The following NTN4 variants were observed in gnomAD, a reference collection of about 807,000 sequenced individuals.
NTN4 encodes the protein netrin-4.
In NTN4, 32 loss-of-function variants were observed where a neutral mutation model predicts 73.6. The observed-to-expected ratio is 0.44, with a 90% CI of 0.33 to 0.58. NTN4 has a LOEUF of 0.58. NTN4 is among the 20% of genes least tolerant of loss of function. NTN4 has a pLI of 0.04. For synonymous variants in NTN4, 258 were observed against 287.5 expected, an observed-to-expected ratio of 0.90 and a Z score of 1.04; for missense variants, 654 against 798.3, an observed-to-expected ratio of 0.82 and a Z score of 2.18.
At chr12:95,736,936 C>G (rs1311438845) in intron 3 of NTN4, among the ~76,000 whole-genome samples, 1 of 152,140 alleles carries the variant, frequency 6.6e-6, no homozygotes, top group East Asian at 1.9e-4. Context: ...GGATGTCTAT[C>G]CTTTAGGAAA....
At chr12:95,673,938 A>G (rs1298950533) in intron 7 of NTN4, 2 of 152,098 alleles carry the variant, frequency 1.3e-5, no homozygotes, top group African/African-American at 2.4e-5. Flanking sequence ...TTTGAGCATC[A>G]CTGTACTAAA....
chr12:95,752,454 C>T (rs2078916273), intron 2 of NTN4, among the ~76,000 whole-genome samples: 1 of 151,540 alleles, frequency 6.6e-6, no homozygotes, highest in South Asian at 2.1e-4. Flanking sequence ...TTCATCCCAG[C>T]CTCTCTTTGC....
rs1422875729 is a variant in NTN4, at chr12:95,738,163, T to C, written c.586-19A>G. On this transcript the variant is annotated intron_variant, in intron 2 of 9. Coordinates refer to ENST00000343702, the MANE Select transcript of NTN4 (RefSeq NM_021229.4). ...AAATAACCTGTAAGGAGAAAGAAAATACCATGCGTTTATAGGACTGTGCGC... is the reference window on the plus strand; with the variant it reads ...AAATAACCTGTAAGGAGAAAGAAAACACCATGCGTTTATAGGACTGTGCGC... The C allele has an allele frequency of 2.5e-6, 4 of 1,599,390 alleles. No homozygotes were observed. Among genetic ancestry groups the C allele is most frequent in the South Asian group, 2.3e-5 (2 of 88,258 alleles).
intron 5 of NTN4, among the ~76,000 whole-genome samples, chr12:95,709,730 G>C (rs2078549281): frequency 6.6e-6 from 1 of 151,888 alleles, no homozygotes; most frequent in African/African-American, 2.4e-5. Context: ...ACAGGGTTTT[G>C]CCATGTTGCC....
intron 9 of NTN4, among the ~76,000 whole-genome samples, chr12:95,660,762 G>C (rs1215221125): frequency 6.6e-6 from 1 of 152,136 alleles, no homozygotes; most frequent in Non-Finnish European, 1.5e-5. Context: ...TTAAGTGAAT[G>C]CTAGATGCTA....
chr12:95,729,394 A>G (rs2078719350), intron 3 of NTN4, among the ~76,000 whole-genome samples: 2 of 152,104 alleles, frequency 1.3e-5, no homozygotes, highest in Non-Finnish European at 2.9e-5. Context: ...TATTACAAAA[A>G]AATCTTTTAT....
rs2078794266 is a variant in NTN4 at position 95,738,100 on chromosome 12, AG to A, written c.629del (p.Pro210LeufsTer10). The A allele has an allele frequency of 6.2e-7, 1 of 1,614,022 alleles. No homozygotes were observed. The highest frequency in any genetic ancestry group is 8.5e-7 in the Non-Finnish European group (1 of 1,179,982). ...GCTGCTCCTGAACTTTGGCACTGTA[AG>A]GGTTCTCTGTATCGTATGGTGGTGA... is the stretch of plus-strand genomic sequence containing the variant. ...ALSPPYDTENPYSAKVQEQLK... is the reference protein window; with the variant it reads ...ALSPPYDTENXYSAKVQEQLK... On this transcript the variant is annotated frameshift_variant, in exon 3 of 10. Transcript: ENST00000343702. LOFTEE classifies it high-confidence loss of function.
At chr12:95,724,430 A>G (rs1383094668) in intron 3 of NTN4, among the ~76,000 whole-genome samples, 2 of 152,204 alleles carry the variant, frequency 1.3e-5, no homozygotes, top group Non-Finnish European at 2.9e-5. Context: ...ACTTGACTAG[A>G]TCCTACAAGT....
chr12:95,718,026 A>G (rs1267921786), intron 3 of NTN4, among the ~76,000 whole-genome samples: 2 of 152,186 alleles, frequency 1.3e-5, no homozygotes, highest in East Asian at 1.9e-4. Context: ...TAGCACATTT[A>G]TCTTACAGGA....
In NTN4 at chr12:95,789,536, C is replaced by A. The variant is rs192936211; in HGVS notation, c.55+719G>T. Among the ~76,000 whole-genome samples the A allele has an allele frequency of 2.0e-5, 3 of 152,256 alleles. No individual in the cohort carries two copies. Among genetic ancestry groups the A allele is most frequent in the Admixed American group, 2.0e-4 (3 of 15,280 alleles). ...GGTGGCCTAGGGCAGCCCAAGAAAGCCAGGATGGGAGTGGGAGGGAGAGGG... is the reference window on the plus strand; with the variant it reads ...GGTGGCCTAGGGCAGCCCAAGAAAGACAGGATGGGAGTGGGAGGGAGAGGG... On this transcript the variant is annotated intron_variant, in intron 1 of 9. Transcript: ENST00000343702. This position sits in a 1 kb window ranked among gnomAD's most constrained non-coding sequence, Gnocchi z 4.0.
At chr12:95,672,435 G>A (rs759941148) in intron 7 of NTN4, 34 of 1,339,636 alleles carry the variant, frequency 2.5e-5, no homozygotes, top group African/African-American at 5.8e-5. Flanking sequence ...GCGGGCAGGC[G>A]CTGCTAGATG....
At chr12:95,734,405 T>A (rs2121164726) in intron 3 of NTN4, among the ~76,000 whole-genome samples, 1 of 152,286 alleles carries the variant, frequency 6.6e-6, no homozygotes, top group South Asian at 2.1e-4. Context: ...TGGGGTAAGG[T>A]TTGAGAATGT....
chr12:95,766,428 C>T (rs981766843), intron 2 of NTN4, among the ~76,000 whole-genome samples: 2 of 152,234 alleles, frequency 1.3e-5, no homozygotes, highest in Admixed American at 1.3e-4. Context: ...ATCATTCAGC[C>T]TTTGCGGAAA....
chr12:95,766,349 T>C (rs11108245), intron 2 of NTN4, among the ~76,000 whole-genome samples: 83,766 of 152,020 alleles, frequency 0.55, 23,302 homozygotes, highest in Middle Eastern at 0.61. Flanking sequence ...TTAAATGGGA[T>C]ATTCAAAGGT....
At chr12:95,713,665 C>T (rs983362618) in intron 3 of NTN4, among the ~76,000 whole-genome samples, 2 of 152,000 alleles carry the variant, frequency 1.3e-5, no homozygotes, top group Admixed American at 6.6e-5. Flanking sequence ...ATTCTTTATG[C>T]AAAAGTAACA....
At chr12:95,742,318 A>C (rs1342015177) in intron 2 of NTN4, among the ~76,000 whole-genome samples, 2 of 151,810 alleles carry the variant, frequency 1.3e-5, no homozygotes, top group Non-Finnish European at 2.9e-5. Flanking sequence ...ACATGGTGAA[A>C]CCCCATCTCT....
intron 2 of NTN4, among the ~76,000 whole-genome samples, chr12:95,778,459 AT>A (rs2121290726): frequency 6.6e-6 from 1 of 152,328 alleles, no homozygotes; most frequent in South Asian, 2.1e-4. Context: ...AATAGACACA[AT>A]AAAAAATGAT....
intron 8 of NTN4, among the ~76,000 whole-genome samples, chr12:95,667,896 CAAAT>C (rs2078195027): frequency 7.8e-6 from 1 of 127,786 alleles, no homozygotes; most frequent in African/African-American, 3.1e-5. Context: ...ATAAATAAAA[CAAAT>C]AAATAAAGTG....
At chr12:95,714,529 T>C (rs2078591469) in intron 3 of NTN4, among the ~76,000 whole-genome samples, 1 of 152,148 alleles carries the variant, frequency 6.6e-6, no homozygotes, top group Non-Finnish European at 1.5e-5. Flanking sequence ...ATTAGAAAAC[T>C]TTCCTGTCTT....
Sources: allele counts gnomAD v4.1 joint callset (sites outside exome capture counted in the v4.1 genomes callset), GRCh38; gene constraint gnomAD v4.1.1; non-coding constraint Gnocchi (gnomAD v3.1); transcripts MANE v1.5; gene names NCBI Gene and HGNC (gene_info 2026-07-23, HGNC 2026-07-21).